Variants in CUX1 observed in about 807,000 individuals in gnomAD.
CUX1 encodes the protein protein CASP.
In CUX1, 31 loss-of-function variants were observed where a neutral mutation model predicts 158.8. The ratio of observed to expected loss-of-function variants is 0.20; its 90% CI spans 0.15 to 0.26. CUX1 has a LOEUF of 0.26. Among genes scored for constraint, CUX1 ranks in the 10% least tolerant of loss-of-function variants. CUX1 has a pLI of 1.00. For synonymous variants in CUX1, 879 were observed against 862.1 expected (o/e 1.02, Z -0.34); for missense variants, 1,589 against 2,014.6 (o/e 0.79, Z 4.04).
intron 14 of CUX1, among the ~76,000 whole-genome samples, chr7:102,196,284 G>A (rs1473995980): frequency 2.0e-5 from 3 of 152,194 alleles, no homozygotes; most frequent in Non-Finnish European, 4.4e-5. Flanking sequence ...CCTCCGGCCG[G>A]GGCCAGCGGG....
chr7:102,200,682 G>A (rs1322628243), intron 17 of CUX1, among the ~76,000 whole-genome samples: 1 of 150,470 alleles, frequency 6.6e-6, no homozygotes, highest in African/African-American at 2.4e-5. Context: ...CCTTAACTTT[G>A]ACAGAACCAC....
chr7:101,990,480 G>C (rs1057347322), intron 2 of CUX1, among the ~76,000 whole-genome samples: 11 of 152,034 alleles, frequency 7.2e-5, no homozygotes, highest in African/African-American at 2.4e-4. Context: ...GGGTTCAAGC[G>C]ATTCTCCTGC....
intron 8 of CUX1, among the ~76,000 whole-genome samples, chr7:102,124,171 G>A (rs1347863976): frequency 1.3e-5 from 2 of 152,200 alleles, no homozygotes; most frequent in Non-Finnish European, 2.9e-5. Context: ...AGTGAATACA[G>A]TGTATAGATT....
chr7:102,253,115 C>T lies in CUX1; in HGVS notation c.*4073C>T. The T allele has an allele frequency of 1.0e-6, 1 of 985,530 alleles. No individual in the cohort carries two copies. The highest frequency in any genetic ancestry group is 1.2e-6 in the Non-Finnish European group (1 of 829,988). 61.0% of individuals were successfully genotyped at this position (985,530 alleles called of 1,614,324 possible). The stretch of plus-strand genomic sequence containing the variant: ...TACAAATACCTCCCTGCTCAGTTTC[C>T]TTCCTGTCGCCATCTTTGTTTTCTT... On this transcript the variant is annotated 3_prime_UTR_variant, in exon 24 of 24. Transcript: ENST00000292535.
At chr7:101,941,928 C>T (rs542461689) in intron 2 of CUX1, among the ~76,000 whole-genome samples, 1 of 152,314 alleles carries the variant, frequency 6.6e-6, no homozygotes, top group South Asian at 2.1e-4. Context: ...AGGTTTCTCT[C>T]TCTCCCTCCC....
intron 8 of CUX1, among the ~76,000 whole-genome samples, chr7:102,119,740 T>C (rs1256788903): frequency 1.3e-5 from 2 of 152,088 alleles, no homozygotes; most frequent in Non-Finnish European, 2.9e-5. Flanking sequence ...AGAGTCAGGG[T>C]CTCACTGTGT....
At chr7:102,281,532 G>A (rs1255613713) in intron 20 of CUX1, among the ~76,000 whole-genome samples, 1 of 151,964 alleles carries the variant, frequency 6.6e-6, no homozygotes. Flanking sequence ...GCGTGGTGAC[G>A]CACACCTGTA....
At chr7:101,942,004 C>T (rs79294011) in intron 2 of CUX1, among the ~76,000 whole-genome samples, 1,753 of 152,296 alleles carry the variant, frequency 0.012, 11 homozygotes, top group South Asian at 0.028. Context: ...ATCAAACATG[C>T]CAGTACACAC....
intron 2 of CUX1, among the ~76,000 whole-genome samples, chr7:101,945,171 G>C (rs1808222508): frequency 6.6e-6 from 1 of 152,130 alleles, no homozygotes; most frequent in Non-Finnish European, 1.5e-5. Flanking sequence ...GTCTTTTGCA[G>C]ACAGGGCAGA....
intron 2 of CUX1, among the ~76,000 whole-genome samples, chr7:101,971,889 G>T (rs1056041999): frequency 2.0e-5 from 3 of 152,172 alleles, no homozygotes; most frequent in African/African-American, 7.2e-5. Flanking sequence ...TTTTAGGAGT[G>T]GATACACCTC....
At chr7:102,279,282 A>T (rs1304924217) in intron 18 of CUX1, among the ~76,000 whole-genome samples, 3 of 152,340 alleles carry the variant, frequency 2.0e-5, no homozygotes, top group African/African-American at 7.2e-5. Context: ...TGGAGGTTGC[A>T]GTGAGCCGAG....
chr7:102,160,177 TAAAA>T (rs35453197), intron 9 of CUX1, among the ~76,000 whole-genome samples: 5 of 136,828 alleles, frequency 3.7e-5, no homozygotes, highest in Admixed American at 7.6e-5. Flanking sequence ...AGAATCTGTC[TAAAA>T]AAAAAAAAAA....
chr7:102,222,099 A>C (rs1295332230), intron 20 of CUX1, among the ~76,000 whole-genome samples: 1 of 152,082 alleles, frequency 6.6e-6, no homozygotes, highest in Non-Finnish European at 1.5e-5. Flanking sequence ...TCTCTCTACA[A>C]AATATACAAA....
chr7:102,086,853 G>T (rs564257016), intron 4 of CUX1, among the ~76,000 whole-genome samples: 1 of 151,778 alleles, frequency 6.6e-6, no homozygotes, highest in Non-Finnish European at 1.5e-5. Context: ...TTATTATATC[G>T]TCTCTCAATT....
rs1244756906 is a variant in CUX1 at position 102,240,445 on chromosome 7, CA to C, written c.3887+862del. ...CATGCCTGCTGATTTTTTATAGAGA[CA>C]GGGGTCTCGCTCTGTTGCCCAAGCT... is the stretch of plus-strand genomic sequence containing the variant. On this transcript the variant is annotated intron_variant, in intron 23 of 23. Coordinates refer to ENST00000292535, the MANE Select transcript of CUX1 (RefSeq NM_181552.4). 2.0e-5 allele frequency among the ~76,000 whole-genome samples: 3 copies of C among 151,892 alleles called. No individual in the cohort carries two copies. In the East Asian group the frequency reaches 5.8e-4, roughly 30 times the overall value.
At chr7:102,206,748 A>C (rs944695019) in intron 20 of CUX1, among the ~76,000 whole-genome samples, 30 of 152,122 alleles carry the variant, frequency 2.0e-4, no homozygotes, top group African/African-American at 7.2e-4. Context: ...GATACAAAAA[A>C]ATTAGCTGAG....
chr7:101,950,976 T>TA (rs1808991285), intron 2 of CUX1, among the ~76,000 whole-genome samples: 1 of 152,190 alleles, frequency 6.6e-6, no homozygotes, highest in Non-Finnish European at 1.5e-5. Context: ...CCTTTCTGTA[T>TA]ATCTGCCCCC....
At chr7:102,168,922 TCTTTTCTTTTATTTTC>T (rs1563341970) in intron 9 of CUX1, among the ~76,000 whole-genome samples, 58 of 104,474 alleles carry the variant, frequency 5.6e-4, no homozygotes, top group African/African-American at 2.0e-3. Flanking sequence ...TATTTTCTTT[TCTTTTCTTTTATTTTC>T]TTTTTTTTTT....
chr7:101,942,651 C>T (rs1386923727), intron 2 of CUX1, among the ~76,000 whole-genome samples: 3 of 152,184 alleles, frequency 2.0e-5, no homozygotes, highest in Non-Finnish European at 4.4e-5. Context: ...TTTGTAGAGA[C>T]AGGGTTTCCC....
Sources: allele counts gnomAD v4.1 joint callset (sites outside exome capture counted in the v4.1 genomes callset), GRCh38; gene constraint gnomAD v4.1.1; transcripts MANE v1.5; gene names NCBI Gene and HGNC (gene_info 2026-07-23, HGNC 2026-07-21).